UBE3C: variants seen among roughly 807,000 people sequenced by gnomAD.
The protein encoded by UBE3C is ubiquitin protein ligase E3C, also known as ubiquitin-protein ligase E3C.
In UBE3C, 42 loss-of-function variants were observed where a neutral mutation model predicts 129.4. That is an observed-to-expected ratio of 0.32 (90% CI 0.25 to 0.42). UBE3C has a LOEUF of 0.42. UBE3C is among the 10% of genes least tolerant of loss of function. The pLI, the probability that UBE3C is intolerant of heterozygous loss-of-function variation, is 1.00. For missense variants in UBE3C, 1,049 were observed against 1,319.1 expected, an observed-to-expected ratio of 0.80 and a Z score of 3.17; for synonymous variants, 510 against 492.4, an observed-to-expected ratio of 1.04 and a Z score of -0.47.
At chr7:157,157,987 T>TATAG (rs1554421176) in intron 1 of UBE3C, among the ~76,000 whole-genome samples, 1 of 132,902 alleles carries the variant, frequency 7.5e-6, no homozygotes, top group Admixed American at 7.8e-5. Context: ...TATATATATA[T>TATAG]AGAGAGAGAG....
intron 22 of UBE3C, among the ~76,000 whole-genome samples, chr7:157,265,696 C>T (rs1797058359): frequency 6.6e-6 from 1 of 152,166 alleles, no homozygotes; most frequent in Admixed American, 6.5e-5. Context: ...CCAATGTGCT[C>T]ACCGTCTCAA....
intron 10 of UBE3C, chr7:157,197,926 T>C: frequency 6.2e-7 from 1 of 1,607,492 alleles, no homozygotes; most frequent in Non-Finnish European, 8.5e-7. Context: ...GGTGTAAGCC[T>C]TCCAAGTTTT....
chr7:157,139,127 G>A lies in UBE3C; in HGVS notation c.-146G>A. The A allele has an allele frequency of 1.1e-5, 3 of 276,466 alleles. No homozygotes were observed. Among genetic ancestry groups the A allele is most frequent in the Non-Finnish European group, 1.7e-5 (3 of 180,032 alleles). The allele number at this position is 276,466 out of a possible 1,614,324, so 17.1% of individuals were successfully genotyped here. On this transcript the variant is annotated 5_prime_UTR_variant, in exon 1 of 23. Coordinates refer to ENST00000348165, the MANE Select transcript of UBE3C (RefSeq NM_014671.3). ...AGGGCTGGGAGGGTACAGCCCGGGG[G>A]CGGGCTCGGGTCGCCTCCCGGCCGC... is the stretch of plus-strand genomic sequence containing the variant.
chr7:157,211,191 A>AGAGAGAGAGAGAGAGAGCGAGC (rs1481725592), intron 13 of UBE3C, among the ~76,000 whole-genome samples: 1 of 151,588 alleles, frequency 6.6e-6, no homozygotes, highest in East Asian at 1.9e-4. Context: ...AGAGAGAGAG[A>AGAGAGAGAGAGAGAGAGCGAGC]GAGCCATACT....
intron 18 of UBE3C, among the ~76,000 whole-genome samples, chr7:157,240,568 T>C (rs1796287340): frequency 6.6e-6 from 1 of 152,174 alleles, no homozygotes; most frequent in South Asian, 2.1e-4. Flanking sequence ...AGAGTCAGAT[T>C]TAACCAGGGG....
At chr7:157,224,315 C>T (rs1405089767) in intron 16 of UBE3C, among the ~76,000 whole-genome samples, 1 of 152,112 alleles carries the variant, frequency 6.6e-6, no homozygotes, top group Non-Finnish European at 1.5e-5. Flanking sequence ...CTGCTTCAGC[C>T]TCCCAAGTAG....
chr7:157,198,470 C>T, intron 10 of UBE3C: 1 of 468,292 alleles, frequency 2.1e-6, no homozygotes, highest in Non-Finnish European at 3.9e-6. Context: ...TGGAAGATCT[C>T]CTCTCCTGCT....
intron 2 of UBE3C, among the ~76,000 whole-genome samples, chr7:157,168,429 C>T (rs561008395): frequency 4.0e-5 from 6 of 151,738 alleles, no homozygotes; most frequent in African/African-American, 1.5e-4. Flanking sequence ...AATGATAACT[C>T]TACTTCTAGG....
At chr7:157,242,522 T>TTG (rs1563071713) in intron 18 of UBE3C, among the ~76,000 whole-genome samples, 8 of 147,212 alleles carry the variant, frequency 5.4e-5, no homozygotes, top group Non-Finnish European at 1.1e-4. Flanking sequence ...TTGTTTTTTT[T>TTG]TTTTTTTTTT....
intron 19 of UBE3C, among the ~76,000 whole-genome samples, chr7:157,248,868 TC>T (rs1796547746): frequency 6.6e-6 from 1 of 152,134 alleles, no homozygotes; most frequent in African/African-American, 2.4e-5. Context: ...GTCTGGCTCT[TC>T]CCGGTGCTGG....
chr7:157,196,507 A>G (rs1282073241), intron 10 of UBE3C, among the ~76,000 whole-genome samples: 1 of 152,200 alleles, frequency 6.6e-6, no homozygotes. Flanking sequence ...CTTGTTCTGG[A>G]GAAGACGTTC....
chr7:157,139,446 G>C (rs1465960404), intron 1 of UBE3C, 108 bp downstream of exon 1: 11 of 1,096,652 alleles, frequency 1.0e-5, no homozygotes, highest in Non-Finnish European at 1.3e-5. Context: ...CGAGACTTGG[G>C]GCTGGATTCG....
intron 19 of UBE3C, among the ~76,000 whole-genome samples, chr7:157,252,094 C>T (rs1796633461): frequency 6.6e-6 from 1 of 152,064 alleles, no homozygotes; most frequent in Non-Finnish European, 1.5e-5. Flanking sequence ...CAAGATTGCT[C>T]CACTGCACTC....
chr7:157,238,270 C>T (rs1402046558), intron 18 of UBE3C, among the ~76,000 whole-genome samples: 1 of 152,096 alleles, frequency 6.6e-6, no homozygotes, highest in African/African-American at 2.4e-5. Flanking sequence ...GTGGGGACTC[C>T]TGGCGTCACC....
At chr7:157,170,782 G>A (rs564800442) in intron 4 of UBE3C, among the ~76,000 whole-genome samples, 56 of 152,268 alleles carry the variant, frequency 3.7e-4, no homozygotes, top group East Asian at 3.9e-4. Flanking sequence ...TCAGTGGGAC[G>A]TGCACCCTGA....
At chr7:157,196,218 T>C (rs1463197917) in intron 10 of UBE3C, among the ~76,000 whole-genome samples, 3 of 152,228 alleles carry the variant, frequency 2.0e-5, no homozygotes, top group African/African-American at 7.2e-5. Flanking sequence ...AATTCTCCTA[T>C]GCAACGCTGC....
chr7:157,225,527 T>C lies in UBE3C; in HGVS notation c.2221T>C (p.Ser741Pro). The C allele has an allele frequency of 1.9e-6, 3 of 1,586,578 alleles. No individual in the cohort carries two copies. Among genetic ancestry groups the C allele is most frequent in the Non-Finnish European group, 2.6e-6 (3 of 1,172,478 alleles). The change falls in exon 17 of 23, where the codon TCT becomes CCT. Residue 741 changes from serine (S) to proline (P), a missense_variant. Ser to Pro is a moderately conservative substitution (Grantham distance 74). Transcript: ENST00000348165. Reference protein sequence around the residue: ...YIYEDAYDKLSPENEPDLKKR... With the variant: ...YIYEDAYDKLPPENEPDLKKR... The stretch of plus-strand genomic sequence containing the variant: ...TTATGAAGATGCTTATGACAAACTT[T>C]CTCCAGAAAATGGTATATATAATTC...
At chr7:157,179,104 T>A (rs1219871175) in intron 6 of UBE3C, among the ~76,000 whole-genome samples, 2 of 150,508 alleles carry the variant, frequency 1.3e-5, no homozygotes, top group African/African-American at 4.9e-5. Flanking sequence ...GAACCAAAAT[T>A]GACATATGCT....
Position 157,170,446 on chromosome 7 carries a change from G to T in UBE3C, c.338G>T (p.Arg113Leu), listed in dbSNP as rs372170201. ...FFYKQNEDSKRLIWLYQNLIK... is the reference protein window; with the variant it reads ...FFYKQNEDSKLLIWLYQNLIK... The stretch of plus-strand genomic sequence containing the variant: ...TACAAACAAAATGAAGACTCAAAAC[G>T]TTTGGTGAGTGTTAACTACATTTTC... The change falls in exon 4 of 23, where the codon CGT (arginine) becomes CTT (leucine). Residue 113 changes from arginine (R) to leucine (L), a missense_variant. Physicochemically the swap from Arg to Leu is moderately radical, Grantham distance 102. This residue lies in a region of UBE3C where 489 missense variants were observed against 513.8 expected (regional missense o/e 0.95). Coordinates refer to ENST00000348165, the MANE Select transcript of UBE3C (RefSeq NM_014671.3). The T allele has an allele frequency of 1.9e-6, 3 of 1,543,524 alleles. No individual in the cohort carries two copies. Among genetic ancestry groups the T allele is most frequent in the Non-Finnish European group, 2.6e-6 (3 of 1,151,036 alleles).
Sources: gnomAD v4.1 joint callset for allele counts (sites outside exome capture counted in the v4.1 genomes callset) on GRCh38, gnomAD v4.1.1 for gene constraint, gnomAD v4.1.1 regional missense constraint, MANE v1.5 for transcripts, NCBI Gene and HGNC (gene_info 2026-07-23, HGNC 2026-07-21) for gene names.